VASH2: variants seen among roughly 807,000 people sequenced by gnomAD.
VASH2 encodes the protein vasohibin 2, also known as tubulinyl-Tyr carboxypeptidase 2.
VASH2 carries 28 observed loss-of-function variants against 37.2 expected under a neutral mutation model. The ratio of observed to expected loss-of-function variants is 0.75; its 90% CI spans 0.56 to 1.03. VASH2 has a LOEUF of 1.03. Among genes scored for constraint, VASH2 ranks in the 50% least tolerant of loss-of-function variants. VASH2 has a pLI of 0.00. For missense variants in VASH2, 419 were observed against 459.1 expected (o/e 0.91, Z 0.80); for synonymous variants, 188 against 174.7 (o/e 1.08, Z -0.60).
Position 212,951,739 on chromosome 1 carries a change from T to A in VASH2, c.197T>A (p.Met66Lys). Residue 66 changes from methionine to lysine, a missense_variant, in exon 2 of 8, where the codon ATG becomes AAG. Coordinates refer to ENST00000517399, the MANE Select transcript of VASH2 (RefSeq NM_001301056.2). The surrounding 1 kb of genome is among the most constrained non-coding windows in gnomAD (Gnocchi z 4.4). ...FPIDSHTWER[M>K]WMHVAKVHPK... ...ATCGACAGCCACACCTGGGAGCGCA[T>A]GTGGATGCACGTGGCCAAGGTGCAC... The A allele has an allele frequency of 6.2e-7, 1 of 1,607,996 alleles. No individual in the cohort carries two copies. Among genetic ancestry groups the A allele is most frequent in the Non-Finnish European group, 8.5e-7 (1 of 1,178,226 alleles).
intron 7 of VASH2, among the ~76,000 whole-genome samples, chr1:212,987,829 T>C (rs10864032): frequency 0.46 from 69,890 of 152,140 alleles, 19,976 homozygotes; most frequent in Non-Finnish European, 0.63. Flanking sequence ...GACGCATCTT[T>C]AATGAAGACA....
chr1:212,951,582 C>CCCAAAGGCG lies in VASH2; in HGVS notation c.49_57dup (p.Ala17_Gly19dup). ...GGCCGACACTCACCGCTGCCCCCAC[C>CCCAAAGGCG]CCAAAGGCGCCAAAGGCACCCGGTC... On this transcript the variant is annotated inframe_insertion, in exon 2 of 8. Transcript: ENST00000517399. The surrounding 1 kb of genome is among the most constrained non-coding windows in gnomAD (Gnocchi z 4.4). 3 of 1,545,794 alleles carry CCCAAAGGCG rather than the reference C, an allele frequency of 1.9e-6. No homozygotes were observed. The South Asian group carries it at 3.6e-5, about 18-fold the overall frequency.
chr1:212,967,392 G>A (rs938356537), intron 5 of VASH2: 26 of 1,195,142 alleles, frequency 2.2e-5, no homozygotes, highest in Non-Finnish European at 2.8e-5. Flanking sequence ...TCAGATAGAA[G>A]AGCAAAGATG....
Position 212,951,945 on chromosome 1 carries a change from C to T in VASH2, c.276+127C>T. The T allele has an allele frequency of 1.8e-6, 2 of 1,122,956 alleles. No homozygotes were observed. The highest frequency in any genetic ancestry group is 2.5e-6 in the Non-Finnish European group (2 of 810,746). The allele number at this position is 1,122,956 out of a possible 1,614,324, so 69.6% of individuals were successfully genotyped here. A position where few individuals can be genotyped will look rare whatever the true frequency, so the allele number is the denominator to read the frequency against. On this transcript the variant is annotated intron_variant, in intron 2 of 7. Coordinates refer to ENST00000517399, the MANE Select transcript of VASH2 (RefSeq NM_001301056.2). This position sits in a 1 kb window ranked among gnomAD's most constrained non-coding sequence, Gnocchi z 4.4. ...TAGTCCTGCTACAAACTCCCTTCCTCTCCCCATTCCTTCCTGCCAGCCCTT... is the reference window on the plus strand; with the variant it reads ...TAGTCCTGCTACAAACTCCCTTCCTTTCCCCATTCCTTCCTGCCAGCCCTT...
intron 3 of VASH2, among the ~76,000 whole-genome samples, chr1:212,964,819 A>T (rs889221324): frequency 5.9e-5 from 9 of 151,730 alleles, no homozygotes; most frequent in African/African-American, 2.2e-4. Flanking sequence ...CCACTCATTC[A>T]TCCATCCACC....
chr1:212,985,608 G>A (rs1667456762), intron 7 of VASH2, among the ~76,000 whole-genome samples: 1 of 151,740 alleles, frequency 6.6e-6, no homozygotes, highest in African/African-American at 2.4e-5. Flanking sequence ...GTAGAGACAG[G>A]GTTTCACCAT....
At chr1:212,980,984 C>T (rs958243354) in intron 7 of VASH2, among the ~76,000 whole-genome samples, 1 of 152,180 alleles carries the variant, frequency 6.6e-6, no homozygotes, top group Non-Finnish European at 1.5e-5. Context: ...TGATGGGCCT[C>T]ATCAGAAAAG....
chr1:212,972,703 G>A lies in VASH2; in HGVS notation c.621G>A (p.Leu207=). The A allele has an allele frequency of 6.2e-7, 1 of 1,614,200 alleles. No homozygotes were observed. Among genetic ancestry groups the A allele is most frequent in the Non-Finnish European group, 8.5e-7 (1 of 1,180,044 alleles). The change falls in exon 6 of 8, where the codon TTG becomes TTA. Residue 207 remains leucine (L), a synonymous_variant. Transcript: ENST00000517399. The stretch of plus-strand genomic sequence containing the variant: ...ACTGCAATGGCCGCTATGGCTCATT[G>A]GGCATGAGCCGCAGGGCTGAGCTGA... ...GIYCNGRYGS[L]GMSRRAELMD...
intron 7 of VASH2, among the ~76,000 whole-genome samples, chr1:212,977,310 G>A (rs1045176023): frequency 6.6e-6 from 1 of 152,158 alleles, no homozygotes; most frequent in Admixed American, 6.5e-5. Flanking sequence ...CCTGTGTAAG[G>A]GGACGGGGGA....
chr1:212,972,882 T>A lies in VASH2; in HGVS notation c.800T>A (p.Leu267Gln). 1 of 1,614,118 alleles carries A rather than the reference T, an allele frequency of 6.2e-7. No homozygotes were observed. The highest frequency in any genetic ancestry group is 8.5e-7 in the Non-Finnish European group (1 of 1,180,038). Residue 267 changes from leucine to glutamine, a missense_variant, in exon 6 of 8, where the codon CTG (leucine) becomes CAG (glutamine). This residue lies in a region of VASH2 where 177 missense variants were observed against 166.2 expected (regional missense o/e 1.06). Transcript: ENST00000517399. ...TTCCAGCCCATTGAGTGGAAGCAGC[T>A]GGTCCTCAACGTCTCAAAGATGCTG... ...HSFQPIEWKQ[L>Q]VLNVSKMLRA...
In VASH2 at chr1:212,988,731, G is replaced by A. The variant is rs1302272250; in HGVS notation, c.*147G>A. On this transcript the variant is annotated 3_prime_UTR_variant, in exon 8 of 8. Transcript: ENST00000517399. ...CCTGGAAATAGAATCTGAGTGGGTG[G>A]TAACCATTAGCTTTAAAAAATTCAC... 10 of 867,354 alleles carry A rather than the reference G, an allele frequency of 1.2e-5. No individual in the cohort carries two copies. The highest frequency in any genetic ancestry group is 1.8e-5 in the Non-Finnish European group (10 of 550,814). 53.7% of individuals were successfully genotyped at this position (867,354 alleles called of 1,614,324 possible).
chr1:212,991,429 G>A lies in VASH2; in HGVS notation c.*2845G>A, dbSNP rs565365992. 1 of 152,144 alleles carries A rather than the reference G, an allele frequency of 6.6e-6. No individual in the cohort carries two copies. Among genetic ancestry groups the A allele is most frequent in the East Asian group, 1.9e-4 (1 of 5,208 alleles). The allele number at this position is 152,144 out of a possible 1,614,324, so 9.4% of individuals were successfully genotyped here. A position where few individuals can be genotyped will look rare whatever the true frequency, so the allele number is the denominator to read the frequency against. On this transcript the variant is annotated 3_prime_UTR_variant, in exon 8 of 8. Coordinates refer to ENST00000517399, the MANE Select transcript of VASH2 (RefSeq NM_001301056.2). Reference sequence around the variant, plus strand: ...TTTTTAAATCTTTAAGAAGAACTGTGATTGTTTTAGTGGGTATTTTTCTAA... The same window carrying A: ...TTTTTAAATCTTTAAGAAGAACTGTAATTGTTTTAGTGGGTATTTTTCTAA...
intron 2 of VASH2, 65 bp from the exon 3 acceptor site, chr1:212,961,101 C>A: frequency 6.6e-7 from 1 of 1,515,854 alleles, no homozygotes; most frequent in Non-Finnish European, 9.1e-7. Context: ...CCTCTGCCTG[C>A]CCCCAGAAGC....
chr1:212,977,606 G>T (rs577420682), intron 7 of VASH2, among the ~76,000 whole-genome samples: 4 of 152,188 alleles, frequency 2.6e-5, no homozygotes, highest in Non-Finnish European at 5.9e-5. Flanking sequence ...TACATGAGGA[G>T]GTAGAAGTTG....
At position 212,988,823 on chromosome 1, in the gene VASH2, G is replaced by A; in HGVS notation, c.*239G>A. 1 of 492,170 alleles carries A rather than the reference G, an allele frequency of 2.0e-6. No homozygotes were observed. Among genetic ancestry groups the A allele is most frequent in the Non-Finnish European group, 3.7e-6 (1 of 271,068 alleles). 30.5% of individuals were successfully genotyped at this position (492,170 alleles called of 1,614,324 possible). Reference sequence around the variant, plus strand: ...GGGTTGGACTATGTCCCTCACTCAAGATCTTAAGGATAACCGTAACTGAAG... The same window carrying A: ...GGGTTGGACTATGTCCCTCACTCAAAATCTTAAGGATAACCGTAACTGAAG... On this transcript the variant is annotated 3_prime_UTR_variant, in exon 8 of 8. Transcript: ENST00000517399.
At chr1:212,979,918 G>C (rs372153985) in intron 7 of VASH2, among the ~76,000 whole-genome samples, 2 of 152,136 alleles carry the variant, frequency 1.3e-5, no homozygotes, top group African/African-American at 2.4e-5. Context: ...TCCCAGCCCC[G>C]GGCCTCAGAA....
intron 7 of VASH2, among the ~76,000 whole-genome samples, chr1:212,974,400 TG>T (rs1378247576): frequency 6.6e-6 from 1 of 152,176 alleles, no homozygotes; most frequent in Non-Finnish European, 1.5e-5. Flanking sequence ...CTCAGCTGCT[TG>T]GGGATGTCTT....
In VASH2 at chr1:212,951,650, G is replaced by C. The variant is rs149124296; in HGVS notation, c.108G>C (p.Gly36=). The C allele has an allele frequency of 0.02, 31,532 of 1,586,588 alleles. 387 individuals carry two copies. Among genetic ancestry groups the C allele is most frequent in the Non-Finnish European group, 0.023 (26,935 of 1,167,288 alleles). Residue 36 remains glycine (G), a synonymous_variant, in exon 2 of 8, where the codon GGG becomes GGC. Transcript: ENST00000517399. This position sits in a 1 kb window ranked among gnomAD's most constrained non-coding sequence, Gnocchi z 4.4. The part of the protein sequence containing the change: ...HARPVSLATS[G]GSEEEDKDGG... Reference sequence around the variant, plus strand: ...GGCCCGTGAGCCTCGCCACCAGCGGGGGCTCAGAGGAGGAGGACAAAGACG... The same window carrying C: ...GGCCCGTGAGCCTCGCCACCAGCGGCGGCTCAGAGGAGGAGGACAAAGACG...
Position 212,967,460 on chromosome 1 carries a change from A to G in VASH2, c.497+1115A>G, listed in dbSNP as rs563359510. Reference sequence around the variant, plus strand: ...GGACAGTGGAAAAGGAAACACTGCAAGACAGGAGCTTGAGAGATGGTCCCA... The same window carrying G: ...GGACAGTGGAAAAGGAAACACTGCAGGACAGGAGCTTGAGAGATGGTCCCA... On this transcript the variant is annotated intron_variant, in intron 5 of 7. Transcript: ENST00000517399. The G allele has an allele frequency of 1.9e-5, 22 of 1,168,948 alleles. No individual in the cohort carries two copies. The East Asian group carries it at 1.3e-3, about 69-fold the overall frequency. 72.4% of individuals were successfully genotyped at this position (1,168,948 alleles called of 1,614,324 possible).
Sources: gnomAD v4.1 joint callset for allele counts (sites outside exome capture counted in the v4.1 genomes callset) on GRCh38, gnomAD v4.1.1 for gene constraint, gnomAD v4.1.1 regional missense constraint, Gnocchi (gnomAD v3.1) non-coding constraint, MANE v1.5 for transcripts, NCBI Gene and HGNC (gene_info 2026-07-23, HGNC 2026-07-21) for gene names.